SENP6: variants seen among roughly 807,000 people sequenced by gnomAD.
SENP6 encodes the protein sentrin-specific protease 6.
A neutral mutation model predicts 134.5 loss-of-function variants in SENP6; 41 were observed. The observed-to-expected ratio is 0.30, with a 90% CI of 0.24 to 0.40. The LOEUF (loss-of-function observed/expected upper bound fraction) is 0.40. Among genes scored for constraint, SENP6 ranks in the 10% least tolerant of loss-of-function variants. The probability of loss-of-function intolerance (pLI) is 1.00; values close to 1 mark genes in which losing one functional copy is unlikely to be tolerated. For synonymous variants in SENP6, 395 were observed against 429.8 expected, an observed-to-expected ratio of 0.92 and a Z score of 1.00; for missense variants, 1,248 against 1,312.5, an observed-to-expected ratio of 0.95 and a Z score of 0.76.
chr6:75,670,451 T>G, intron 10 of SENP6, 102 bp from the exon 11 acceptor site: 2 of 732,174 alleles, frequency 2.7e-6, no homozygotes, highest in Non-Finnish European at 4.3e-6. Flanking sequence ...TTTTATGTTG[T>G]GATATTTACA....
intron 10 of SENP6, among the ~76,000 whole-genome samples, chr6:75,667,535 T>C (rs1435073062): frequency 6.6e-6 from 1 of 152,194 alleles, no homozygotes; most frequent in Admixed American, 6.5e-5. Flanking sequence ...GAAATATAAC[T>C]GTATTCAATG....
intron 3 of SENP6, among the ~76,000 whole-genome samples, chr6:75,632,107 T>C (rs1288276795): frequency 1.3e-5 from 2 of 152,250 alleles, no homozygotes; most frequent in Non-Finnish European, 2.9e-5. Context: ...TAAGCTGTCC[T>C]TTCATGTTTT....
Position 75,602,511 on chromosome 6 carries a change from G to C in SENP6, c.-14G>C. 2 of 1,551,296 alleles carry C rather than the reference G, an allele frequency of 1.3e-6. No individual in the cohort carries two copies. Among genetic ancestry groups the C allele is most frequent in the Non-Finnish European group, 1.7e-6 (2 of 1,146,920 alleles). ...GGCCATGGATTAAGAAGGAGGCGGC[G>C]TGGGAGGAGGAAGATGGCGGCCGGC... On this transcript the variant is annotated 5_prime_UTR_variant, in exon 1 of 24. Transcript: ENST00000447266.
intron 7 of SENP6, 61 bp from the exon 8 acceptor site, chr6:75,659,201 T>C (rs954294066): frequency 8.1e-7 from 1 of 1,227,570 alleles, no homozygotes; most frequent in African/African-American, 1.5e-5. Context: ...ATTATTTTTT[T>C]GCTGAAACAC....
At chr6:75,701,270 G>T (rs1775004938) in intron 18 of SENP6, among the ~76,000 whole-genome samples, 1 of 152,098 alleles carries the variant, frequency 6.6e-6, no homozygotes, top group South Asian at 2.1e-4. Flanking sequence ...GCACAGCCCT[G>T]TGTCTAGCAA....
intron 1 of SENP6, chr6:75,620,823 C>T (rs949890263): frequency 1.2e-4 from 18 of 152,288 alleles, no homozygotes; most frequent in African/African-American, 4.1e-4. Context: ...TTCAGTCTGA[C>T]ATCTCATTTT....
At chr6:75,653,162 C>G (rs898076951) in intron 7 of SENP6, among the ~76,000 whole-genome samples, 1 of 152,192 alleles carries the variant, frequency 6.6e-6, no homozygotes, top group Non-Finnish European at 1.5e-5. Context: ...TCCCGAATAG[C>G]TGGGATTACA....
intron 5 of SENP6, among the ~76,000 whole-genome samples, chr6:75,635,986 CTG>C (rs1305089870): frequency 6.6e-6 from 1 of 151,868 alleles, no homozygotes; most frequent in Non-Finnish European, 1.5e-5. Context: ...TTGAAGTTGT[CTG>C]TTAGTTTGGA....
chr6:75,685,041 G>A lies in SENP6; in HGVS notation c.2075+6114G>A, dbSNP rs546390493. Among the ~76,000 whole-genome samples, 5 of 152,168 alleles carry A rather than the reference G, an allele frequency of 3.3e-5. No individual in the cohort carries two copies. The South Asian group carries it at 1.0e-3, about 32-fold the overall frequency. ...TCCATCTGGTCCTGGACTTTTTTTG[G>A]TTGGTAGGCTATTAATTATTACCTC... On this transcript the variant is annotated intron_variant, in intron 16 of 23. Transcript: ENST00000447266.
Position 75,637,976 on chromosome 6 carries a change from C to T in SENP6, c.459-2708C>T, listed in dbSNP as rs575877342. The stretch of plus-strand genomic sequence containing the variant: ...CCTAGGTTTAAGCAATTCTCAGCCT[C>T]CTGAGTGGCTGAAATTACAGGCGTG... On this transcript the variant is annotated intron_variant, in intron 5 of 23. Coordinates refer to ENST00000447266, the MANE Select transcript of SENP6 (RefSeq NM_015571.4). 6.6e-4 allele frequency among the ~76,000 whole-genome samples: 100 copies of T among 152,234 alleles called. 1 individual carries two copies. The highest frequency in any genetic ancestry group is 4.1e-4 in the Non-Finnish European group (28 of 68,008).
At chr6:75,664,177 A>G (rs1772009254) in intron 9 of SENP6, among the ~76,000 whole-genome samples, 2 of 152,046 alleles carry the variant, frequency 1.3e-5, no homozygotes, top group Admixed American at 6.5e-5. Context: ...TGGTGTCCCA[A>G]CTACTCAGGA....
At chr6:75,606,011 A>G (rs1011297555) in intron 1 of SENP6, among the ~76,000 whole-genome samples, 5 of 152,188 alleles carry the variant, frequency 3.3e-5, no homozygotes, top group Non-Finnish European at 7.3e-5. Context: ...GAGTGTCAGA[A>G]TAAGAGGAAT....
intron 20 of SENP6, 101 bp from the exon 21 acceptor site, chr6:75,711,227 C>A: frequency 1.4e-6 from 1 of 725,902 alleles, no homozygotes; most frequent in East Asian, 2.8e-5. Flanking sequence ...AAAGTTTTGA[C>A]AATCATTACA....
chr6:75,647,186 A>C (rs1015905206), intron 6 of SENP6: 1 of 152,396 alleles, frequency 6.6e-6, no homozygotes, highest in African/African-American at 2.4e-5. Context: ...ATTAGCTATA[A>C]GGTTTTTGCT....
chr6:75,629,568 G>A (rs941076539), intron 3 of SENP6, among the ~76,000 whole-genome samples: 2 of 152,186 alleles, frequency 1.3e-5, no homozygotes, highest in Non-Finnish European at 2.9e-5. Flanking sequence ...CCAAAGTGCT[G>A]GGAGTACAGG....
intron 11 of SENP6, among the ~76,000 whole-genome samples, chr6:75,672,759 CTTA>C (rs764514667): frequency 3.3e-5 from 5 of 152,060 alleles, no homozygotes; most frequent in Non-Finnish European, 4.4e-5. Context: ...TCTACACTTG[CTTA>C]TTATTAGATA....
At chr6:75,704,125 G>A (rs888061794) in intron 19 of SENP6, among the ~76,000 whole-genome samples, 1 of 152,154 alleles carries the variant, frequency 6.6e-6, no homozygotes, top group African/African-American at 2.4e-5. Flanking sequence ...GTCTCGTCAG[G>A]TGGGACGAGA....
chr6:75,623,302 C>G (rs1478664775), intron 2 of SENP6, among the ~76,000 whole-genome samples: 1 of 152,104 alleles, frequency 6.6e-6, no homozygotes, highest in African/African-American at 2.4e-5. Context: ...TCAGGCACAT[C>G]AGCTTTTTGA....
chr6:75,634,649 A>G lies in SENP6; in HGVS notation c.354-58A>G, dbSNP rs2149838410. 4 of 923,922 alleles carry G rather than the reference A, an allele frequency of 4.3e-6. No homozygotes were observed. In the South Asian group the frequency reaches 6.8e-5, roughly 16 times the overall value. 57.2% of individuals were successfully genotyped at this position (923,922 alleles called of 1,614,324 possible). Reference sequence around the variant, plus strand: ...GTTCAGATTTTAAAAGATTTTTTTTATAAATGTGTATATAATTTTTCCGTG... The same window carrying G: ...GTTCAGATTTTAAAAGATTTTTTTTGTAAATGTGTATATAATTTTTCCGTG... On this transcript the variant is annotated intron_variant, in intron 4 of 23. Transcript: ENST00000447266.
Sources: gnomAD v4.1 joint callset for allele counts (sites outside exome capture counted in the v4.1 genomes callset) on GRCh38, gnomAD v4.1.1 for gene constraint, MANE v1.5 for transcripts, NCBI Gene and HGNC (gene_info 2026-07-23, HGNC 2026-07-21) for gene names.